The following SLC26A5 variants were observed in gnomAD, a reference collection of about 807,000 sequenced individuals.
SLC26A5 encodes the protein solute carrier family 26 member 5, also known as prestin.
Under a neutral mutation model 81.0 loss-of-function variants are expected in SLC26A5, and 51 were observed. The ratio of observed to expected loss-of-function variants is 0.63; its 90% CI spans 0.50 to 0.80. SLC26A5 has a LOEUF of 0.80. Among genes scored for constraint, SLC26A5 ranks in the 30% least tolerant of loss-of-function variants. The pLI, the probability that SLC26A5 is intolerant of heterozygous loss-of-function variation, is 0.00. For synonymous variants in SLC26A5, 325 were observed against 332.8 expected (o/e 0.98, Z 0.25); for missense variants, 771 against 905.8 (o/e 0.85, Z 1.91).
intron 14 of SLC26A5, among the ~76,000 whole-genome samples, chr7:103,382,346 CTTTTT>C (rs755840628): frequency 8.7e-6 from 1 of 114,346 alleles, no homozygotes; most frequent in African/African-American, 3.5e-5. Flanking sequence ...GCCCTATTTC[CTTTTT>C]TTTTTTTTTT....
At chr7:103,373,084 C>A (rs953024794), downstream of SLC26A5, among the ~76,000 whole-genome samples, 1 of 152,090 alleles carries the variant, frequency 6.6e-6, no homozygotes, top group Non-Finnish European at 1.5e-5. Context: ...AATGAAAGAA[C>A]TAGACAACCA....
At chr7:103,389,608 C>G (rs1328030452) in intron 12 of SLC26A5, among the ~76,000 whole-genome samples, 184 bp from the exon 13 acceptor site, 2 of 152,062 alleles carry the variant, frequency 1.3e-5, no homozygotes, top group African/African-American at 4.8e-5. Context: ...TAAAAGGGGC[C>G]TTGGAAAATC....
intron 14 of SLC26A5, among the ~76,000 whole-genome samples, chr7:103,381,883 C>T (rs1821826417): frequency 6.6e-6 from 1 of 151,170 alleles, no homozygotes; most frequent in Non-Finnish European, 1.5e-5. Context: ...AATACACATA[C>T]ATACACATCA....
intron 8 of SLC26A5, among the ~76,000 whole-genome samples, chr7:103,405,966 T>G (rs1824014490): frequency 6.6e-6 from 1 of 152,162 alleles, no homozygotes; most frequent in Admixed American, 6.5e-5. Context: ...CCAGGTGGCT[T>G]TGTTTACACT....
At chr7:103,397,754 T>C (rs945073195) in intron 9 of SLC26A5, among the ~76,000 whole-genome samples, 178 bp downstream of exon 9, 10 of 144,590 alleles carry the variant, frequency 6.9e-5, no homozygotes, top group African/African-American at 2.6e-4. Context: ...AAATTTGTTA[T>C]GTGTTTTTTA....
At chr7:103,417,789 C>T (rs1037483004) in intron 4 of SLC26A5, among the ~76,000 whole-genome samples, 22 of 152,172 alleles carry the variant, frequency 1.4e-4, no homozygotes, top group African/African-American at 5.1e-4. Flanking sequence ...GCTCTTGTCA[C>T]CCAGGCTGGA....
chr7:103,395,039 C>G (rs999937148), intron 9 of SLC26A5, among the ~76,000 whole-genome samples: 1 of 152,218 alleles, frequency 6.6e-6, no homozygotes, highest in African/African-American at 2.4e-5. Flanking sequence ...CTCTTGGATC[C>G]TCCAACACTA....
rs1291721465 is a variant in SLC26A5 at position 103,367,477 on chromosome 7, C to T, written c.2041+9331G>A. Reference sequence around the variant, plus strand: ...TGCAGAGAACAATGTTGGAACTGATCAATCAGCTTGATGGTTTTGATCCTA... The same window carrying T: ...TGCAGAGAACAATGTTGGAACTGATTAATCAGCTTGATGGTTTTGATCCTA... On this transcript the variant is annotated intron_variant, in intron 19 of 19. Transcript: ENST00000339444. The surrounding 1 kb of genome is among the most constrained non-coding windows in gnomAD (Gnocchi z 6.1). 4 of 1,614,036 alleles carry T rather than the reference C, an allele frequency of 2.5e-6. No homozygotes were observed.
At chr7:103,436,048 T>A (rs186797221) in intron 2 of SLC26A5, among the ~76,000 whole-genome samples, 1 of 152,294 alleles carries the variant, frequency 6.6e-6, no homozygotes, top group African/African-American at 2.4e-5. Context: ...GTATTTACCA[T>A]AACATGGTAA....
intron 19 of SLC26A5, chr7:103,364,211 A>G (rs376164420): frequency 1.1e-5 from 18 of 1,614,226 alleles, no homozygotes; most frequent in Middle Eastern, 1.6e-4. Context: ...CACCCGGTAC[A>G]GGCAAGACAC....
intron 2 of SLC26A5, among the ~76,000 whole-genome samples, chr7:103,438,744 T>C (rs1440760321): frequency 6.6e-6 from 1 of 152,192 alleles, no homozygotes; most frequent in South Asian, 2.1e-4. Flanking sequence ...AGAAATAGAA[T>C]CTTTCATTAT....
In SLC26A5 at chr7:103,393,018, G is replaced by A. The variant is rs781460958; in HGVS notation, c.1020C>T (p.Tyr340=). ...CGATGGCTATGGCAATGGCATCTAC[G>A]TACACAAGGTGGAAGAGGCTGGTGT... ...NPDTSLFHLV[Y]VDAIAIAIVG... Residue 340 remains tyrosine (Y), a synonymous_variant, in exon 10 of 20, where the codon TAC becomes TAT. Transcript: ENST00000306312. 2 of 1,613,980 alleles carry A rather than the reference G, an allele frequency of 1.2e-6. No homozygotes were observed. Among genetic ancestry groups the A allele is most frequent in the Non-Finnish European group, 1.7e-6 (2 of 1,179,870 alleles).
At position 103,410,462 on chromosome 7, in the gene SLC26A5, G is replaced by A; in HGVS notation, c.658C>T (p.His220Tyr). Residue 220 changes from histidine (H) to tyrosine (Y), a missense_variant, in exon 7 of 20, where the codon CAT becomes TAT. Transcript: ENST00000306312. ...TATTTTAACATGGAGGTGAAGACAT[G>A]CACAGCTGCTGCGGTGGTAAACCCA... ...VRGFTTAAAVHVFTSMLKYLF... is the reference protein window; with the variant it reads ...VRGFTTAAAVYVFTSMLKYLF... The A allele has an allele frequency of 6.2e-7, 1 of 1,613,930 alleles. No individual in the cohort carries two copies. Among genetic ancestry groups the A allele is most frequent in the Non-Finnish European group, 8.5e-7 (1 of 1,179,858 alleles).
intron 2 of SLC26A5, among the ~76,000 whole-genome samples, chr7:103,436,462 C>A (rs1826461493): frequency 1.3e-5 from 2 of 152,160 alleles, no homozygotes; most frequent in African/African-American, 4.8e-5. Flanking sequence ...GTATCAGGCC[C>A]CTTCAGATTT....
At chr7:103,359,157 T>A in intron 19 of SLC26A5, among the ~76,000 whole-genome samples, 1 of 136,320 alleles carries the variant, frequency 7.3e-6, no homozygotes, top group Non-Finnish European at 1.6e-5. Context: ...TTTTTTTTTT[T>A]TTTTTTTTTT....
At chr7:103,413,462 G>A (rs1012995699) in intron 4 of SLC26A5, among the ~76,000 whole-genome samples, 6 of 152,096 alleles carry the variant, frequency 3.9e-5, no homozygotes, top group African/African-American at 1.4e-4. Flanking sequence ...GTTTTTGTGG[G>A]TTCTCTGGAG....
intron 14 of SLC26A5, among the ~76,000 whole-genome samples, chr7:103,381,737 TACAC>T (rs1211876468): frequency 4.7e-5 from 7 of 148,288 alleles, no homozygotes; most frequent in Non-Finnish European, 1.0e-4. Flanking sequence ...CCATACACAA[TACAC>T]ACACCACATA....
Position 103,380,476 on chromosome 7 carries a change from C to T in SLC26A5, c.1584+4G>A. 6.2e-7 allele frequency: 1 copy of T among 1,612,740 alleles called. No individual in the cohort carries two copies. The highest frequency in any genetic ancestry group is 8.5e-7 in the Non-Finnish European group (1 of 1,178,834). ...CCTTTTTAAGTGATAGAAAAAGGTCCTACCTCCTCATATGCGTCTATATCA... is the reference window on the plus strand; with the variant it reads ...CCTTTTTAAGTGATAGAAAAAGGTCTTACCTCCTCATATGCGTCTATATCA... On this transcript the variant is annotated splice_donor_region_variant and intron_variant, in intron 15 of 19. Coordinates refer to ENST00000306312, the MANE Select transcript of SLC26A5 (RefSeq NM_198999.3).
chr7:103,410,426 C>T lies in SLC26A5; in HGVS notation c.694G>A (p.Val232Ile), dbSNP rs751595291. 8 of 1,614,132 alleles carry T rather than the reference C, an allele frequency of 5.0e-6. No homozygotes were observed. The highest frequency in any genetic ancestry group is 1.7e-5 in the Admixed American group (1 of 60,032). The change falls in exon 7 of 20, where the codon GTT becomes ATT. Residue 232 changes from valine to isoleucine, a missense_variant. Coordinates refer to ENST00000306312, the MANE Select transcript of SLC26A5 (RefSeq NM_198999.3). ...FTSMLKYLFG[V>I]KTKRYSGIFS... ...ATTCCACTGTACCGCTTTGTTTTAACTCCAAACAGATATTTTAACATGGAG... is the reference window on the plus strand; with the variant it reads ...ATTCCACTGTACCGCTTTGTTTTAATTCCAAACAGATATTTTAACATGGAG...
Sources: gnomAD v4.1 joint callset for allele counts (sites outside exome capture counted in the v4.1 genomes callset) on GRCh38, gnomAD v4.1.1 for gene constraint, Gnocchi (gnomAD v3.1) non-coding constraint, MANE v1.5 for transcripts, NCBI Gene and HGNC (gene_info 2026-07-23, HGNC 2026-07-21) for gene names.